CCDC171: variants seen among roughly 807,000 people sequenced by gnomAD.
CCDC171 encodes coiled-coil domain-containing protein 171.
CCDC171 carries 177 observed loss-of-function variants against 168.2 expected under a neutral mutation model. The ratio of observed to expected loss-of-function variants is 1.05; its 90% CI spans 0.93 to 1.19. CCDC171 has a LOEUF of 1.19. CCDC171 is among the 50% of genes most tolerant of loss of function. The pLI, the probability that CCDC171 is intolerant of heterozygous loss-of-function variation, is 0.00. For missense variants in CCDC171, 1,991 were observed against 1,539.0 expected, an observed-to-expected ratio of 1.29 and a Z score of -4.91; for synonymous variants, 687 against 540.8, an observed-to-expected ratio of 1.27 and a Z score of -3.75.
At chr9:15,718,462 C>T (rs1183593774) in intron 11 of CCDC171, among the ~76,000 whole-genome samples, 1 of 152,192 alleles carries the variant, frequency 6.6e-6, no homozygotes, top group Non-Finnish European at 1.5e-5. Context: ...TTGTAGAGCC[C>T]TAGGGCCTTG....
chr9:16,057,413 T>C, intron 1 of CCDC171, among the ~76,000 whole-genome samples: 1 of 152,208 alleles, frequency 6.6e-6, no homozygotes, highest in East Asian at 1.9e-4. Context: ...GTGCTGGTTT[T>C]GGTTAAGTTC....
intron 6 of CCDC171, among the ~76,000 whole-genome samples, chr9:15,616,325 A>G (rs1291839630): frequency 3.9e-5 from 6 of 151,950 alleles, no homozygotes; most frequent in Non-Finnish European, 1.5e-5. Context: ...AGTTCAAGGG[A>G]TCTACCCACC....
chr9:15,997,252 A>G (rs77735369), intron 3 of CCDC171, among the ~76,000 whole-genome samples: 3,734 of 152,224 alleles, frequency 0.025, 67 homozygotes, highest in Non-Finnish European at 0.041. Context: ...GGAGCTCTAG[A>G]GCAAAGACTG....
chr9:15,725,850 A>T (rs1457741518), intron 14 of CCDC171, among the ~76,000 whole-genome samples: 1 of 152,228 alleles, frequency 6.6e-6, no homozygotes, highest in African/African-American at 2.4e-5. Context: ...GAAAAATAAG[A>T]GTCCCATAAA....
intron 11 of CCDC171, among the ~76,000 whole-genome samples, chr9:15,716,311 C>A (rs1330647097): frequency 3.3e-5 from 5 of 152,124 alleles, no homozygotes; most frequent in Non-Finnish European, 1.5e-5. Flanking sequence ...CTGTTCAGAT[C>A]TTTTTTGCTA....
At chr9:15,772,399 T>C (rs2057061535) in intron 18 of CCDC171, among the ~76,000 whole-genome samples, 1 of 152,164 alleles carries the variant, frequency 6.6e-6, no homozygotes, top group African/African-American at 2.4e-5. Flanking sequence ...GATTTTTAGA[T>C]AAAACATTGC....
At chr9:15,877,354 G>A (rs1817979619) in intron 24 of CCDC171, among the ~76,000 whole-genome samples, 1 of 152,110 alleles carries the variant, frequency 6.6e-6, no homozygotes, top group African/African-American at 2.4e-5. Flanking sequence ...TAAAGATGAA[G>A]TAAGCAACAG....
chr9:15,742,002 G>A lies in CCDC171; in HGVS notation c.2050-2271G>A, dbSNP rs149902886. Among the ~76,000 whole-genome samples the A allele has an allele frequency of 7.6e-4, 115 of 152,280 alleles. No homozygotes were observed. The South Asian group carries it at 0.011, about 15-fold the overall frequency. On this transcript the variant is annotated intron_variant, in intron 16 of 25. Transcript: ENST00000380701. ...TGAAAACACTTTTGCCTGAGACACT[G>A]AGGTTCACTTTTATTTTCACTTATC...
upstream of CCDC171, among the ~76,000 whole-genome samples, chr9:16,041,718 C>T (rs1014218632): frequency 4.6e-4 from 70 of 152,192 alleles, no homozygotes; most frequent in African/African-American, 7.5e-4. Flanking sequence ...TTGGTGATTT[C>T]GTAAATGAGA....
At chr9:15,944,834 T>TTTC (rs199842320) in intron 25 of CCDC171, among the ~76,000 whole-genome samples, 12 of 30,908 alleles carry the variant, frequency 3.9e-4, no homozygotes, top group South Asian at 2.4e-3. Context: ...TTTTTCTTTC[T>TTTC]TTTTTCTTTC....
intron 1 of CCDC171, among the ~76,000 whole-genome samples, chr9:16,045,478 G>A (rs969429649): frequency 6.6e-6 from 1 of 152,104 alleles, no homozygotes; most frequent in Non-Finnish European, 1.5e-5. Flanking sequence ...CTTCCTTCAC[G>A]GCTTATTGTC....
At chr9:15,974,237 A>G (rs1356297222), downstream of CCDC171, among the ~76,000 whole-genome samples, 1 of 152,034 alleles carries the variant, frequency 6.6e-6, no homozygotes, top group African/African-American at 2.4e-5. Context: ...TATTTATACC[A>G]TATGCTTTTT....
At chr9:15,764,125 T>C (rs1220576738) in intron 18 of CCDC171, among the ~76,000 whole-genome samples, 3 of 151,972 alleles carry the variant, frequency 2.0e-5, no homozygotes, top group African/African-American at 7.3e-5. Flanking sequence ...TGAACCAGAG[T>C]CAATAGTGGG....
chr9:16,098,175 C>G, the CCDC171 span, among the ~76,000 whole-genome samples: 1 of 152,156 alleles, frequency 6.6e-6, no homozygotes, highest in Admixed American at 6.5e-5. Flanking sequence ...TTTGGGCTAG[C>G]TAACATCGCT....
the CCDC171 span, among the ~76,000 whole-genome samples, chr9:16,099,090 T>C: frequency 6.6e-6 from 1 of 152,210 alleles, no homozygotes; most frequent in South Asian, 2.1e-4. Context: ...TTCCAGACTG[T>C]TTAGAGAGTG....
intron 4 of CCDC171, among the ~76,000 whole-genome samples, chr9:15,582,522 A>T (rs1404757167): frequency 5.3e-5 from 8 of 152,308 alleles, no homozygotes; most frequent in Non-Finnish European, 1.2e-4. Flanking sequence ...AAAGACTTGG[A>T]ACCAACCCAA....
intron 23 of CCDC171, among the ~76,000 whole-genome samples, chr9:15,857,668 C>G (rs560837623): frequency 4.7e-4 from 71 of 151,868 alleles, no homozygotes; most frequent in Non-Finnish European, 9.6e-4. Context: ...AGTTATCCAC[C>G]CCACCTCGGC....
chr9:15,841,162 G>A (rs2060664933), intron 21 of CCDC171, among the ~76,000 whole-genome samples: 1 of 151,760 alleles, frequency 6.6e-6, no homozygotes, highest in Non-Finnish European at 1.5e-5. Flanking sequence ...TCTGTCACAT[G>A]GCCTATTTAT....
chr9:15,876,642 C>G (rs1817880566), intron 24 of CCDC171, among the ~76,000 whole-genome samples: 1 of 151,992 alleles, frequency 6.6e-6, no homozygotes, highest in South Asian at 2.1e-4. Flanking sequence ...ATTTTTCTTC[C>G]ATTTGTAAAA....
Sources: allele counts gnomAD v4.1 joint callset (sites outside exome capture counted in the v4.1 genomes callset), GRCh38; gene constraint gnomAD v4.1.1; transcripts MANE v1.5; gene names NCBI Gene and HGNC (gene_info 2026-07-23, HGNC 2026-07-21).